TMEM117: variants seen among roughly 807,000 people sequenced by gnomAD.
The protein encoded by TMEM117 is transmembrane protein 117.
A neutral mutation model predicts 52.4 loss-of-function variants in TMEM117; 27 were observed. That is an observed-to-expected ratio of 0.51 (90% CI 0.38 to 0.71). TMEM117 has a LOEUF of 0.71. TMEM117 is among the 30% of genes least tolerant of loss of function. The pLI, the probability that TMEM117 is intolerant of heterozygous loss-of-function variation, is 0.00. For synonymous variants in TMEM117, 215 were observed against 206.3 expected (o/e 1.04, Z -0.36); for missense variants, 556 against 630.5 (o/e 0.88, Z 1.26).
Position 43,997,220 on chromosome 12 carries a change from A to G in TMEM117, c.410+52878A>G, listed in dbSNP as rs183222705. ...AAAACCTGCATATGCAACCATTAAGATTCATAGTCTTGAAGCAGAGTATTT... is the reference window on the plus strand; with the variant it reads ...AAAACCTGCATATGCAACCATTAAGGTTCATAGTCTTGAAGCAGAGTATTT... On this transcript the variant is annotated intron_variant, in intron 3 of 7. Coordinates refer to ENST00000266534, the MANE Select transcript of TMEM117 (RefSeq NM_032256.3). Among the ~76,000 whole-genome samples, 359 of 152,342 alleles carry G rather than the reference A, an allele frequency of 2.4e-3. 2 individuals are homozygous for G. Among genetic ancestry groups the G allele is most frequent in the Non-Finnish European group, 3.6e-3 (248 of 68,032 alleles).
chr12:43,985,132 A>G (rs976922952), intron 3 of TMEM117, among the ~76,000 whole-genome samples: 5 of 152,214 alleles, frequency 3.3e-5, no homozygotes, highest in Non-Finnish European at 5.9e-5. Context: ...AAAGAGGTCA[A>G]ACGGTTGCTT....
chr12:43,802,414 C>T, the TMEM117 span: 3 of 1,604,286 alleles, frequency 1.9e-6, no homozygotes, highest in Non-Finnish European at 2.5e-6. Flanking sequence ...GAATCATAAT[C>T]CTTATCCCAG....
At chr12:43,912,555 T>C (rs1364311084) in intron 2 of TMEM117, among the ~76,000 whole-genome samples, 1 of 134,918 alleles carries the variant, frequency 7.4e-6, no homozygotes, top group Non-Finnish European at 1.5e-5. Context: ...GAAAGCTCCA[T>C]GTGGGCAGGG....
At chr12:44,251,131 A>G (rs1950192870) in intron 5 of TMEM117, among the ~76,000 whole-genome samples, 1 of 152,182 alleles carries the variant, frequency 6.6e-6, no homozygotes, top group Non-Finnish European at 1.5e-5. Flanking sequence ...TTGAGGGCTG[A>G]TACTCCAGAG....
At chr12:43,883,659 TTTAGTTATGCATA>T (rs1423197684) in intron 2 of TMEM117, among the ~76,000 whole-genome samples, 2 of 152,172 alleles carry the variant, frequency 1.3e-5, no homozygotes, top group Non-Finnish European at 2.9e-5. Flanking sequence ...AAAATTGTGC[TTTAGTTATGCATA>T]TTACCTTCTT....
At chr12:44,285,297 G>T (rs1950625109) in intron 5 of TMEM117, among the ~76,000 whole-genome samples, 1 of 152,118 alleles carries the variant, frequency 6.6e-6, no homozygotes, top group South Asian at 2.1e-4. Flanking sequence ...GATATACAAA[G>T]ATAAATAACA....
intron 3 of TMEM117, among the ~76,000 whole-genome samples, chr12:43,986,739 T>C: frequency 6.6e-6 from 1 of 152,170 alleles, no homozygotes; most frequent in Non-Finnish European, 1.5e-5. Flanking sequence ...CATCCTATTC[T>C]CAGTTTCTCT....
chr12:44,202,372 A>G (rs1381643198), intron 4 of TMEM117, among the ~76,000 whole-genome samples: 1 of 151,146 alleles, frequency 6.6e-6, no homozygotes, highest in African/African-American at 2.5e-5. Context: ...ATCAAAAGCC[A>G]TTTCTGCATC....
intron 6 of TMEM117, among the ~76,000 whole-genome samples, chr12:44,350,076 A>G (rs1369790716): frequency 6.6e-6 from 1 of 152,052 alleles, no homozygotes; most frequent in Admixed American, 6.6e-5. Flanking sequence ...TGCCCATATC[A>G]TTGATATTTT....
At chr12:44,037,969 A>G (rs1022612162) in intron 3 of TMEM117, among the ~76,000 whole-genome samples, 4 of 152,082 alleles carry the variant, frequency 2.6e-5, no homozygotes, top group East Asian at 1.9e-4. Flanking sequence ...TGAGAGCTCA[A>G]TACTTGTCGG....
At chr12:44,197,503 G>T (rs1812079956) in intron 4 of TMEM117, among the ~76,000 whole-genome samples, 1 of 152,006 alleles carries the variant, frequency 6.6e-6, no homozygotes, top group Non-Finnish European at 1.5e-5. Context: ...GGAATGGCAT[G>T]CTAGAAGATG....
At chr12:43,847,674 A>T (rs1943233127) in intron 2 of TMEM117, among the ~76,000 whole-genome samples, 1 of 152,206 alleles carries the variant, frequency 6.6e-6, no homozygotes, top group African/African-American at 2.4e-5. Flanking sequence ...AGCATGATTC[A>T]TCTGGGTGGG....
chr12:44,146,776 A>G (rs1442646977), intron 4 of TMEM117, among the ~76,000 whole-genome samples: 3 of 152,234 alleles, frequency 2.0e-5, no homozygotes, highest in Non-Finnish European at 1.5e-5. Flanking sequence ...TGAAATGAAT[A>G]TCAATGATGA....
intron 3 of TMEM117, among the ~76,000 whole-genome samples, chr12:44,064,322 A>G (rs1331175059): frequency 1.3e-5 from 2 of 152,190 alleles, no homozygotes; most frequent in African/African-American, 4.8e-5. Context: ...AACTTCAGCT[A>G]TTTGCAATAT....
intron 3 of TMEM117, among the ~76,000 whole-genome samples, chr12:44,024,745 G>A (rs1365791032): frequency 6.6e-6 from 1 of 151,524 alleles, no homozygotes; most frequent in African/African-American, 2.4e-5. Context: ...CTTAACATAA[G>A]GAAAAATTAT....
intron 5 of TMEM117, among the ~76,000 whole-genome samples, chr12:44,242,296 TC>T (rs1379261154): frequency 6.6e-6 from 1 of 151,754 alleles, no homozygotes; most frequent in Non-Finnish European, 1.5e-5. Context: ...CCTCCTACCC[TC>T]CACCCTCAAG....
chr12:44,113,954 G>A (rs564584455), intron 3 of TMEM117, among the ~76,000 whole-genome samples: 17 of 135,182 alleles, frequency 1.3e-4, no homozygotes, highest in Admixed American at 1.0e-3. Context: ...ATATTCGGGT[G>A]GGAGTGACCC....
intron 7 of TMEM117, 37 bp downstream of exon 7, chr12:44,376,761 G>A (rs11182479): frequency 0.044 from 68,345 of 1,562,576 alleles, 1,680 homozygotes; most frequent in Middle Eastern, 0.06. Context: ...GATTATCTTC[G>A]TACATTAGTT....
intron 2 of TMEM117, among the ~76,000 whole-genome samples, chr12:43,895,248 G>C (rs911531878): frequency 5.3e-5 from 8 of 152,030 alleles, no homozygotes; most frequent in Non-Finnish European, 8.8e-5. Context: ...AACATGAGGT[G>C]TTTGGTTTTG....
Sources: gnomAD v4.1 joint callset for allele counts (sites outside exome capture counted in the v4.1 genomes callset) on GRCh38, gnomAD v4.1.1 for gene constraint, MANE v1.5 for transcripts, NCBI Gene and HGNC (gene_info 2026-07-23, HGNC 2026-07-21) for gene names.